COX10: variants seen among roughly 807,000 people sequenced by gnomAD.
COX10 encodes the protein protoheme IX farnesyltransferase, mitochondrial.
Under a neutral mutation model 37.3 loss-of-function variants are expected in COX10, and 27 were observed. The observed-to-expected ratio is 0.72, with a 90% CI of 0.53 to 1.00. The LOEUF (loss-of-function observed/expected upper bound fraction) is 1.00. Among genes scored for constraint, COX10 ranks in the 50% least tolerant of loss-of-function variants. The pLI is 0.00. For missense variants in COX10, 475 were observed against 563.2 expected, an observed-to-expected ratio of 0.84 and a Z score of 1.59; for synonymous variants, 222 against 229.1, an observed-to-expected ratio of 0.97 and a Z score of 0.28.
intron 4 of COX10, among the ~76,000 whole-genome samples, chr17:14,151,067 G>GA (rs11355971): frequency 7.3e-5 from 11 of 150,200 alleles, no homozygotes; most frequent in South Asian, 2.1e-4. Flanking sequence ...TAAAGCACAG[G>GA]AAAAAAAAAA....
intron 5 of COX10, among the ~76,000 whole-genome samples, chr17:14,174,345 A>G (rs1412674666): frequency 1.3e-5 from 2 of 151,456 alleles, no homozygotes; most frequent in African/African-American, 2.4e-5. Context: ...TGTAGTCCCA[A>G]CTACTTGGGA....
chr17:14,150,283 GA>G (rs1019207005), intron 4 of COX10, among the ~76,000 whole-genome samples: 20 of 151,702 alleles, frequency 1.3e-4, no homozygotes, highest in Non-Finnish European at 1.8e-4. Flanking sequence ...AAAAAAAAAG[GA>G]AAAAAAAGTT....
chr17:14,161,226 C>T (rs1193080897), intron 5 of COX10, among the ~76,000 whole-genome samples: 1 of 152,112 alleles, frequency 6.6e-6, no homozygotes, highest in East Asian at 1.9e-4. Context: ...GCAACACTGT[C>T]CTTTTAAAGG....
At chr17:14,071,009 T>C (rs1323407243) in intron 1 of COX10, among the ~76,000 whole-genome samples, 1 of 152,226 alleles carries the variant, frequency 6.6e-6, no homozygotes, top group African/African-American at 2.4e-5. Context: ...TTTTCCATAA[T>C]GAAAAGTTGT....
intron 4 of COX10, among the ~76,000 whole-genome samples, chr17:14,119,348 A>G (rs943340668): frequency 1.3e-5 from 2 of 152,042 alleles, no homozygotes; most frequent in South Asian, 2.1e-4. Flanking sequence ...TATTAAAGCA[A>G]TTTATTCATG....
intron 3 of COX10, chr17:14,077,416 A>G (rs1915182024): frequency 3.5e-6 from 1 of 284,344 alleles, no homozygotes. Context: ...GAATTGCACT[A>G]CTGGGCTTGA....
chr17:14,118,665 G>A (rs1916165088), intron 4 of COX10, among the ~76,000 whole-genome samples: 1 of 151,954 alleles, frequency 6.6e-6, no homozygotes, highest in South Asian at 2.1e-4. Flanking sequence ...ATAATGTAGG[G>A]GAGTAAAGGC....
In COX10 at chr17:14,185,795, G is replaced by A. The variant is rs377726636; in HGVS notation, c.696-6194G>A. ...TGCCTTATTTCAAACAAGAGTTCAA[G>A]TAACTTGCAAATATATGTAAAATGT... On this transcript the variant is annotated intron_variant, in intron 5 of 6. Transcript: ENST00000261643. Among the ~76,000 whole-genome samples the A allele has an allele frequency of 2.8e-4, 42 of 149,342 alleles. No homozygotes were observed. In the East Asian group the frequency reaches 7.4e-3, roughly 26 times the overall value.
intron 3 of COX10, among the ~76,000 whole-genome samples, chr17:14,079,208 G>C (rs150495882): frequency 6.6e-6 from 1 of 152,374 alleles, no homozygotes; most frequent in African/African-American, 2.4e-5. Flanking sequence ...ACAACAGCAT[G>C]CTGGACACAT....
chr17:14,146,395 G>A (rs1169990255), intron 4 of COX10, among the ~76,000 whole-genome samples: 2 of 152,038 alleles, frequency 1.3e-5, no homozygotes, highest in Admixed American at 6.6e-5. Flanking sequence ...ATACACTGGG[G>A]AAAAGACTAT....
intron 5 of COX10, among the ~76,000 whole-genome samples, chr17:14,176,793 CTGCTTGCCTGTTT>C (rs1905705686): frequency 6.6e-6 from 1 of 151,726 alleles, no homozygotes; most frequent in Non-Finnish European, 1.5e-5. Context: ...AGTCTTGGTG[CTGCTTGCCTGTTT>C]GTTACTGAGC....
rs79219893 is a variant in COX10 at position 14,119,125 on chromosome 17, G to A, written c.624+16883G>A. Among the ~76,000 whole-genome samples the A allele has an allele frequency of 6.0e-3, 906 of 152,014 alleles. 9 individuals carry two copies. Among genetic ancestry groups the A allele is most frequent in the African/African-American group, 0.021 (851 of 41,464 alleles). The stretch of plus-strand genomic sequence containing the variant: ...TGAACTAAGTGAGGTACATTCAGTC[G>A]CAGTATTTGCTCATATGCAGAGTGT... On this transcript the variant is annotated intron_variant, in intron 4 of 6. Transcript: ENST00000261643.
chr17:14,175,079 A>ACGGCGG (rs1416211179), intron 5 of COX10, among the ~76,000 whole-genome samples: 2 of 7,258 alleles, frequency 2.8e-4, no homozygotes, highest in South Asian at 0.01. Flanking sequence ...TTACTGGGAA[A>ACGGCGG]TAGCGGGGGG....
At chr17:14,188,260 G>A (rs1430358077) in intron 5 of COX10, among the ~76,000 whole-genome samples, 1 of 149,070 alleles carries the variant, frequency 6.7e-6, no homozygotes, top group Non-Finnish European at 1.5e-5. Context: ...CTTATTGGAA[G>A]AAGAACAACA....
At chr17:14,156,114 T>G (rs1171091457) in intron 4 of COX10, among the ~76,000 whole-genome samples, 2 of 152,202 alleles carry the variant, frequency 1.3e-5, no homozygotes, top group African/African-American at 4.8e-5. Flanking sequence ...GCATCATGCC[T>G]TATGTACATT....
chr17:14,096,298 A>G (rs1814477657), intron 3 of COX10, among the ~76,000 whole-genome samples: 2 of 152,082 alleles, frequency 1.3e-5, no homozygotes, highest in South Asian at 4.1e-4. Context: ...TGAGGGGACC[A>G]ACTTTCAGAC....
intron 4 of COX10, among the ~76,000 whole-genome samples, chr17:14,110,373 T>C (rs1915983719): frequency 6.6e-6 from 1 of 152,094 alleles, no homozygotes; most frequent in Non-Finnish European, 1.5e-5. Flanking sequence ...TGTGGAATTA[T>C]GTATGAGGTT....
intron 3 of COX10, among the ~76,000 whole-genome samples, chr17:14,094,916 G>A (rs1475986258): frequency 6.6e-6 from 1 of 152,200 alleles, no homozygotes; most frequent in African/African-American, 2.4e-5. Flanking sequence ...TGGAAGTCAA[G>A]TATAGTTGGT....
chr17:14,163,700 G>A (rs530697059), intron 5 of COX10, among the ~76,000 whole-genome samples: 16 of 152,304 alleles, frequency 1.1e-4, no homozygotes, highest in Admixed American at 6.5e-4. Flanking sequence ...GCTATTCATC[G>A]TGATGCAAGA....
Sources: gnomAD v4.1 joint callset for allele counts (sites outside exome capture counted in the v4.1 genomes callset) on GRCh38, gnomAD v4.1.1 for gene constraint, MANE v1.5 for transcripts, NCBI Gene and HGNC (gene_info 2026-07-23, HGNC 2026-07-21) for gene names.